PECAM1: variants seen among roughly 807,000 people sequenced by gnomAD.
The protein encoded by PECAM1 is platelet endothelial cell adhesion molecule.
In PECAM1, 8 loss-of-function variants were observed where a neutral mutation model predicts 13.8. The ratio of observed to expected loss-of-function variants is 0.58; its 90% CI spans 0.34 to 1.05. The LOEUF is 1.05. Ranked by LOEUF, PECAM1 falls within the 50% of genes least tolerant of loss-of-function variation. PECAM1 has a pLI of 0.03. For missense variants in PECAM1, 304 were observed against 141.2 expected (o/e 2.15, Z -5.84); for synonymous variants, 136 against 52.6 (o/e 2.58, Z -6.86).
chr17:64,369,695 T>C, intron 5 of PECAM1, 55 bp downstream of exon 5: 1 of 398,518 alleles, frequency 2.5e-6, no homozygotes, highest in Non-Finnish European at 4.4e-6. Context: ...GATTGCAGCA[T>C]GGTGGCCTCT....
At chr17:64,350,542 A>G (rs1402993541) in intron 11 of PECAM1, 109 bp from the exon 12 acceptor site, 2 of 399,590 alleles carry the variant, frequency 5.0e-6, no homozygotes, top group Non-Finnish European at 9.2e-6. Flanking sequence ...TATTCAGTGT[A>G]GTGACAACCA....
chr17:64,332,435 C>T (rs782704554), intron 14 of PECAM1, among the ~76,000 whole-genome samples: 1 of 152,194 alleles, frequency 6.6e-6, no homozygotes, highest in Non-Finnish European at 1.5e-5. Flanking sequence ...GTGAAAAACT[C>T]AAATACGGAT....
At chr17:64,336,705 C>T (rs968600553) in intron 14 of PECAM1, among the ~76,000 whole-genome samples, 8 of 151,736 alleles carry the variant, frequency 5.3e-5, no homozygotes, top group African/African-American at 1.7e-4. Context: ...GGCAACATGG[C>T]GAATTAGCTG....
At chr17:64,372,608 T>C (rs962749145) in intron 4 of PECAM1, among the ~76,000 whole-genome samples, 2 of 152,052 alleles carry the variant, frequency 1.3e-5, no homozygotes, top group African/African-American at 4.8e-5. Flanking sequence ...GTTCAAGTGA[T>C]CCTCCTGCCT....
intron 14 of PECAM1, among the ~76,000 whole-genome samples, chr17:64,335,979 T>A (rs1350610895): frequency 6.6e-5 from 10 of 152,124 alleles, no homozygotes; most frequent in African/African-American, 2.4e-4. Flanking sequence ...GAAATGATGA[T>A]CTGGCCGGGC....
At chr17:64,384,256 T>C (rs1237302800) in intron 2 of PECAM1, among the ~76,000 whole-genome samples, 1 of 152,194 alleles carries the variant, frequency 6.6e-6, no homozygotes, top group Non-Finnish European at 1.5e-5. Flanking sequence ...AAAAGCATTT[T>C]ATAAACTCTG....
At position 64,320,990 on chromosome 17, in the gene PECAM1, C is replaced by G. The variant is rs1567993286; in HGVS notation, c.*2826G>C. The stretch of plus-strand genomic sequence containing the variant: ...ACACCATTCCAAAACCAGCGGGAGA[C>G]AAAATCGCCCGACAGTCGTTGCTTT... On this transcript the variant is annotated 3_prime_UTR_variant, in exon 16 of 16. Transcript: ENST00000563924. 6.6e-6 allele frequency: 1 copy of G among 152,102 alleles called. No homozygotes were observed. The highest frequency in any genetic ancestry group is 1.9e-4 in the East Asian group (1 of 5,200). 9.4% of individuals were successfully genotyped at this position (152,102 alleles called of 1,614,324 possible).
intron 2 of PECAM1, among the ~76,000 whole-genome samples, chr17:64,380,073 T>C (rs2036449169): frequency 6.7e-6 from 1 of 150,160 alleles, no homozygotes; most frequent in African/African-American, 2.5e-5. Context: ...GGCTCACGGC[T>C]GTAATCCCAG....
At chr17:64,353,306 T>TACACACACAC (rs138867178) in intron 10 of PECAM1, among the ~76,000 whole-genome samples, 185 bp downstream of exon 10, 1,167 of 28,356 alleles carry the variant, frequency 0.041, 10 homozygotes, top group African/African-American at 0.047. Context: ...TCCACGGAGG[T>TACACACACAC]ACACACACAC....
chr17:64,361,392 C>T (rs2035976846), intron 6 of PECAM1, among the ~76,000 whole-genome samples: 2 of 152,028 alleles, frequency 1.3e-5, no homozygotes, highest in African/African-American at 4.8e-5. Context: ...GTGATCCACC[C>T]ACCTTGGCCT....
intron 2 of PECAM1, among the ~76,000 whole-genome samples, chr17:64,388,423 G>A (rs968244100): frequency 8.5e-5 from 13 of 152,112 alleles, no homozygotes; most frequent in Non-Finnish European, 1.5e-4. Context: ...ACCTCGAGGC[G>A]GGGGCCAATT....
At chr17:64,388,842 A>G (rs1224922999) in intron 2 of PECAM1, among the ~76,000 whole-genome samples, 4 of 151,874 alleles carry the variant, frequency 2.6e-5, no homozygotes, top group African/African-American at 9.7e-5. Flanking sequence ...AATTTTTTGT[A>G]TTTTTAGTAG....
rs536694044 is a variant in PECAM1, at chr17:64,325,792, G to T, written c.2188-1947C>A. Among the ~76,000 whole-genome samples the T allele has an allele frequency of 5.9e-5, 9 of 152,282 alleles. No homozygotes were observed. In the South Asian group the frequency reaches 6.2e-4, roughly 11 times the overall value. ...AAAAACACCCACAAAAGGATTCCTG[G>T]ATTCCTTCTGCCATCCTGTAGTGCT... On this transcript the variant is annotated intron_variant, in intron 15 of 15. Transcript: ENST00000563924.
At chr17:64,361,871 G>A (rs1486803930) in intron 6 of PECAM1, among the ~76,000 whole-genome samples, 3 of 150,726 alleles carry the variant, frequency 2.0e-5, no homozygotes, top group East Asian at 2.0e-4. Context: ...CTTATACAAT[G>A]AGATTTCCTC....
chr17:64,366,279 A>G (rs1162297003), intron 5 of PECAM1, among the ~76,000 whole-genome samples: 3 of 151,978 alleles, frequency 2.0e-5, no homozygotes, highest in Non-Finnish European at 4.4e-5. Context: ...ATGAGATACC[A>G]TCTCACACCA....
intron 15 of PECAM1, among the ~76,000 whole-genome samples, chr17:64,324,906 A>G (rs1209532525): frequency 6.6e-6 from 1 of 152,198 alleles, no homozygotes; most frequent in East Asian, 1.9e-4. Flanking sequence ...TAATGGGTAC[A>G]GTGTTTCAGT....
intron 5 of PECAM1, among the ~76,000 whole-genome samples, chr17:64,367,550 CAAAAA>C (rs1178085807): frequency 2.0e-5 from 2 of 97,764 alleles, no homozygotes; most frequent in Non-Finnish European, 3.9e-5. Context: ...AACTCCATCT[CAAAAA>C]AAAAAAAAAA....
chr17:64,321,926 C>G lies in PECAM1; in HGVS notation c.*1890G>C. The stretch of plus-strand genomic sequence containing the variant: ...GATCTGGCTGTCCCCAGATCATCAA[C>G]AGAGACATGAAGGTCGTTAGAGGTC... On this transcript the variant is annotated 3_prime_UTR_variant, in exon 16 of 16. Transcript: ENST00000563924. The G allele has an allele frequency of 7.5e-7, 1 of 1,333,490 alleles. No homozygotes were observed. The highest frequency in any genetic ancestry group is 9.9e-7 in the Non-Finnish European group (1 of 1,006,414). 82.6% of individuals were successfully genotyped at this position (1,333,490 alleles called of 1,614,324 possible).
intron 13 of PECAM1, among the ~76,000 whole-genome samples, chr17:64,347,198 G>T (rs981474937): frequency 1.3e-5 from 2 of 151,860 alleles, no homozygotes; most frequent in Non-Finnish European, 2.9e-5. Context: ...GCGAAACCCT[G>T]TCTCTATTTT....
Sources: allele counts gnomAD v4.1 joint callset (sites outside exome capture counted in the v4.1 genomes callset), GRCh38; gene constraint gnomAD v4.1.1; transcripts MANE v1.5; gene names NCBI Gene and HGNC (gene_info 2026-07-23, HGNC 2026-07-21).